The following ALOX5 variants were observed in gnomAD, a reference collection of about 807,000 sequenced individuals.
ALOX5 encodes the protein arachidonate 5-lipoxygenase.
In ALOX5, 64 loss-of-function variants were observed where a neutral mutation model predicts 87.9. The observed-to-expected ratio is 0.73, with a 90% CI of 0.60 to 0.90. The LOEUF (loss-of-function observed/expected upper bound fraction) is 0.90. Among genes scored for constraint, ALOX5 ranks in the 40% least tolerant of loss-of-function variants. ALOX5 has a pLI of 0.00. For synonymous variants in ALOX5, 388 were observed against 355.1 expected, an observed-to-expected ratio of 1.09 and a Z score of -1.04; for missense variants, 822 against 907.5, an observed-to-expected ratio of 0.91 and a Z score of 1.21.
chr10:45,433,837 G>C (rs943493351), intron 7 of ALOX5, among the ~76,000 whole-genome samples: 1 of 152,218 alleles, frequency 6.6e-6, no homozygotes, highest in Non-Finnish European at 1.5e-5. Flanking sequence ...AGAACAAAGA[G>C]CCTGCTCAGA....
At chr10:45,395,716 A>G in intron 2 of ALOX5, 139 bp from the exon 3 acceptor site, 1 of 653,510 alleles carries the variant, frequency 1.5e-6, no homozygotes, top group Non-Finnish European at 2.7e-6. Flanking sequence ...TAATTGGGGA[A>G]GTGCTCTGAG....
At chr10:45,409,304 T>C (rs12249910) in intron 3 of ALOX5, among the ~76,000 whole-genome samples, 2,788 of 129,270 alleles carry the variant, frequency 0.022, 82 homozygotes, top group African/African-American at 0.083. Flanking sequence ...TATTCTTGAA[T>C]TGTTCTTTGC....
chr10:45,408,474 G>A (rs530194108), intron 3 of ALOX5, among the ~76,000 whole-genome samples: 3 of 152,242 alleles, frequency 2.0e-5, no homozygotes, highest in South Asian at 4.1e-4. Flanking sequence ...TCTAGGTTAA[G>A]ATAAGGGGTT....
rs1448185557 is a variant in ALOX5, at chr10:45,443,358, G to A, written c.1452-58G>A. 24 of 1,593,378 alleles carry A rather than the reference G, an allele frequency of 1.5e-5. No individual in the cohort carries two copies. The Admixed American group carries it at 3.1e-4, about 21-fold the overall frequency. On this transcript the variant is annotated intron_variant, in intron 10 of 13. Coordinates refer to ENST00000374391, the MANE Select transcript of ALOX5 (RefSeq NM_000698.5). Reference sequence around the variant, plus strand: ...CAGCGTCCGTGAGGGGGTTGCCGCCGGGCACCGCTCCGCAGACCTGGCTGG... The same window carrying A: ...CAGCGTCCGTGAGGGGGTTGCCGCCAGGCACCGCTCCGCAGACCTGGCTGG...
intron 4 of ALOX5, among the ~76,000 whole-genome samples, chr10:45,422,168 C>T (rs999083922): frequency 1.3e-5 from 2 of 152,182 alleles, no homozygotes; most frequent in Non-Finnish European, 2.9e-5. Context: ...GGAGTTCCCC[C>T]CTGTGGTTGC....
chr10:45,400,400 GACCA>G (rs201923420), intron 3 of ALOX5, among the ~76,000 whole-genome samples: 3,416 of 152,246 alleles, frequency 0.022, 123 homozygotes, highest in African/African-American at 0.078. Flanking sequence ...AGGAGTTTGA[GACCA>G]ACCTGGCCAA....
chr10:45,392,192 C>T (rs1163727079), intron 2 of ALOX5, among the ~76,000 whole-genome samples: 3 of 152,222 alleles, frequency 2.0e-5, no homozygotes, highest in Non-Finnish European at 4.4e-5. Flanking sequence ...TGGCCACCAC[C>T]CCATCTGGGA....
chr10:45,387,376 T>C (rs1840045548), intron 2 of ALOX5, among the ~76,000 whole-genome samples: 1 of 152,170 alleles, frequency 6.6e-6, no homozygotes, highest in African/African-American at 2.4e-5. Context: ...GAACTGCTGC[T>C]CTCACAGGCA....
intron 4 of ALOX5, among the ~76,000 whole-genome samples, chr10:45,416,749 G>A (rs2132775983): frequency 6.6e-6 from 1 of 152,206 alleles, no homozygotes; most frequent in Admixed American, 6.5e-5. Flanking sequence ...TGGAAGAAGA[G>A]GTGGATGGGG....
At chr10:45,431,226 G>A (rs1841892533) in intron 7 of ALOX5, among the ~76,000 whole-genome samples, 1 of 152,048 alleles carries the variant, frequency 6.6e-6, no homozygotes, top group Non-Finnish European at 1.5e-5. Context: ...CATCAAAAAG[G>A]TGCAACTCTA....
At position 45,374,284 on chromosome 10, in the gene ALOX5, C is replaced by A; in HGVS notation, c.5C>A (p.Pro2His). The A allele has an allele frequency of 6.7e-7, 1 of 1,487,060 alleles. No individual in the cohort carries two copies. The highest frequency in any genetic ancestry group is 1.5e-5 in the African/African-American group (1 of 68,496). 92.1% of individuals were successfully genotyped at this position (1,487,060 alleles called of 1,614,324 possible). A position where few individuals can be genotyped will look rare whatever the true frequency, so the allele number is the denominator to read the frequency against. MPSYTVTVATGS... is the reference protein window; with the variant it reads MHSYTVTVATGS... ...GCTGCTCCCGCGGCCCGCGCCATGC[C>A]CTCCTACACGGTCACCGTGGCCACT... is the stretch of plus-strand genomic sequence containing the variant. The change falls in exon 1 of 14, where the codon CCC (proline) becomes CAC (histidine). Residue 2 changes from proline to histidine, a missense_variant. Pro to His is a moderately conservative substitution (Grantham distance 77, BLOSUM62 -2). Transcript: ENST00000374391.
rs376983759 is a variant in ALOX5 at position 45,443,027 on chromosome 10, T to A, written c.1273-11T>A. 19 of 1,608,864 alleles carry A rather than the reference T, an allele frequency of 1.2e-5. No individual in the cohort carries two copies. The African/African-American group carries it at 2.5e-4, about 21-fold the overall frequency. On this transcript the variant is annotated splice_polypyrimidine_tract_variant and intron_variant, in intron 9 of 13. Coordinates refer to ENST00000374391, the MANE Select transcript of ALOX5 (RefSeq NM_000698.5). ...AGCCACCCGCTCAGGGCACTCTACC[T>A]CCCACTCCAGGCCAACGCCACAGGG...
intron 4 of ALOX5, among the ~76,000 whole-genome samples, chr10:45,417,120 C>T (rs1841323474): frequency 6.6e-6 from 1 of 152,092 alleles, no homozygotes; most frequent in Admixed American, 6.5e-5. Context: ...GTGTGACCCA[C>T]CTGGCCCCTG....
At chr10:45,385,904 C>T (rs749098466) in intron 2 of ALOX5, among the ~76,000 whole-genome samples, 3 of 152,092 alleles carry the variant, frequency 2.0e-5, no homozygotes, top group Non-Finnish European at 2.9e-5. Context: ...GAACTAACTG[C>T]GTCCAGGTCT....
chr10:45,384,008 C>T (rs1420076049), intron 2 of ALOX5, among the ~76,000 whole-genome samples: 1 of 152,168 alleles, frequency 6.6e-6, no homozygotes, highest in East Asian at 1.9e-4. Context: ...TGGCAAAAAA[C>T]AGATGGTACA....
chr10:45,443,429 G>T lies in ALOX5; in HGVS notation c.1465G>T (p.Val489Leu). The change falls in exon 11 of 14, where the codon GTG (valine) becomes TTG (leucine). Residue 489 changes from valine to leucine, a missense_variant. Val to Leu is a conservative substitution (Grantham distance 32). Coordinates refer to ENST00000374391, the MANE Select transcript of ALOX5 (RefSeq NM_000698.5). ...CCCCTGAGCCAGGTTCACGGCCGAG[G>T]TGGTAGACATCTACTACGAGGGCGA... is the stretch of plus-strand genomic sequence containing the variant. ...WEAIRTFTAEVVDIYYEGDQV... is the reference protein window; with the variant it reads ...WEAIRTFTAELVDIYYEGDQV... The T allele has an allele frequency of 6.2e-7, 1 of 1,607,304 alleles. No homozygotes were observed. Among genetic ancestry groups the T allele is most frequent in the Non-Finnish European group, 8.5e-7 (1 of 1,177,222 alleles).
rs1238534931 is a variant in ALOX5 at position 45,445,653 on chromosome 10, C to T, written c.1991C>T (p.Ser664Phe). Residue 664 changes from serine (S) to phenylalanine (F), a missense_variant, in exon 14 of 14, where the codon TCC (serine) becomes TTC (phenylalanine). Physicochemically the swap from Ser to Phe is radical, Grantham distance 155. Coordinates refer to ENST00000374391, the MANE Select transcript of ALOX5 (RefSeq NM_000698.5). ...AAGCAGCTGCCATATTACTACTTGTCCCCAGACCGGATTCCGAACAGTGTG... is the reference window on the plus strand; with the variant it reads ...AAGCAGCTGCCATATTACTACTTGTTCCCAGACCGGATTCCGAACAGTGTG... The part of the protein sequence containing the change: ...KKKQLPYYYL[S>F]PDRIPNSVAI The T allele has an allele frequency of 6.2e-7, 1 of 1,614,062 alleles. No homozygotes were observed. Among genetic ancestry groups the T allele is most frequent in the Admixed American group, 1.7e-5 (1 of 60,014 alleles).
chr10:45,420,656 C>T (rs1031980496), intron 4 of ALOX5, among the ~76,000 whole-genome samples: 3 of 152,230 alleles, frequency 2.0e-5, no homozygotes, highest in Admixed American at 6.5e-5. Context: ...GTTTCCTCGC[C>T]GCTGCTTCTG....
chr10:45,420,135 G>A (rs1028885525), intron 4 of ALOX5, among the ~76,000 whole-genome samples: 4 of 152,132 alleles, frequency 2.6e-5, no homozygotes, highest in Admixed American at 1.3e-4. Flanking sequence ...AATGCTACCC[G>A]AAAGCCTCTG....
Sources: allele counts gnomAD v4.1 joint callset (sites outside exome capture counted in the v4.1 genomes callset), GRCh38; gene constraint gnomAD v4.1.1; transcripts MANE v1.5; gene names NCBI Gene and HGNC (gene_info 2026-07-23, HGNC 2026-07-21).